KAZN: variants seen among roughly 807,000 people sequenced by gnomAD.
KAZN encodes the protein kazrin.
In KAZN, 40 loss-of-function variants were observed where a neutral mutation model predicts 87.4. The observed-to-expected ratio is 0.46, with a 90% CI of 0.36 to 0.60. KAZN has a LOEUF of 0.60. Ranked by LOEUF, KAZN falls within the 20% of genes least tolerant of loss-of-function variation. The pLI is 0.00. For missense variants in KAZN, 898 were observed against 1,073.9 expected, an observed-to-expected ratio of 0.84 and a Z score of 2.29; for synonymous variants, 466 against 458.3, an observed-to-expected ratio of 1.02 and a Z score of -0.22.
chr1:15,059,951 A>G (rs1638637103), intron 5 of KAZN, among the ~76,000 whole-genome samples: 1 of 152,150 alleles, frequency 6.6e-6, no homozygotes, highest in African/African-American at 2.4e-5. Context: ...AGGAGGGTTC[A>G]TTGGATCCAG....
intron 1 of KAZN, among the ~76,000 whole-genome samples, chr1:13,927,953 G>C (rs1640350208): frequency 6.6e-6 from 1 of 152,194 alleles, no homozygotes; most frequent in Non-Finnish European, 1.5e-5. Flanking sequence ...TCTATGGTGG[G>C]AACAAGCCTG....
intron 2 of KAZN, among the ~76,000 whole-genome samples, chr1:14,545,812 T>C (rs12563496): frequency 0.51 from 76,787 of 151,904 alleles, 19,888 homozygotes; most frequent in South Asian, 0.61. Flanking sequence ...GAGAAAGTGG[T>C]GAGTCACACT....
At chr1:14,326,787 C>A (rs1553158345) in intron 2 of KAZN, among the ~76,000 whole-genome samples, 1 of 152,120 alleles carries the variant, frequency 6.6e-6, no homozygotes. Flanking sequence ...CTGCACAGCT[C>A]CCTTCTTCGC....
At chr1:14,361,689 C>A (rs1048514295) in intron 2 of KAZN, among the ~76,000 whole-genome samples, 4 of 152,264 alleles carry the variant, frequency 2.6e-5, no homozygotes, top group Admixed American at 6.5e-5. Flanking sequence ...GCTCCCTTGG[C>A]TTCTGTTCAT....
At chr1:14,502,564 T>A (rs1670317732) in intron 2 of KAZN, among the ~76,000 whole-genome samples, 1 of 152,114 alleles carries the variant, frequency 6.6e-6, no homozygotes, top group Admixed American at 6.5e-5. Context: ...TAAACCCTAC[T>A]CCTGGGGGCC....
intron 2 of KAZN, among the ~76,000 whole-genome samples, chr1:14,498,261 T>C (rs980109165): frequency 1.3e-5 from 2 of 152,194 alleles, no homozygotes; most frequent in African/African-American, 2.4e-5. Flanking sequence ...CACCTCCTAT[T>C]GGTAGCACTG....
At chr1:14,130,121 C>A (rs909132119) in intron 1 of KAZN, among the ~76,000 whole-genome samples, 1 of 152,212 alleles carries the variant, frequency 6.6e-6, no homozygotes, top group African/African-American at 2.4e-5. Context: ...AGTGAATTAG[C>A]GCTTTCTGAT....
At chr1:14,079,900 T>A (rs1280083818) in intron 1 of KAZN, among the ~76,000 whole-genome samples, 1 of 140,246 alleles carries the variant, frequency 7.1e-6, no homozygotes, top group African/African-American at 2.7e-5. Context: ...AGGCCCCACC[T>A]CCGACACTGG....
chr1:14,686,598 C>T (rs1179941781), intron 1 of KAZN, among the ~76,000 whole-genome samples: 1 of 152,234 alleles, frequency 6.6e-6, no homozygotes, highest in East Asian at 1.9e-4. Context: ...GCAAAATCAG[C>T]CTGACCCTTC....
At chr1:14,809,647 T>G (rs182289199) in intron 1 of KAZN, among the ~76,000 whole-genome samples, 2 of 152,346 alleles carry the variant, frequency 1.3e-5, no homozygotes, top group Non-Finnish European at 2.9e-5. Context: ...TTTGATTTTT[T>G]AAAAATTTCT....
intron 1 of KAZN, among the ~76,000 whole-genome samples, chr1:14,797,679 C>T (rs535160602): frequency 6.6e-6 from 1 of 152,274 alleles, no homozygotes; most frequent in Admixed American, 6.5e-5. Flanking sequence ...GACAGAGTGT[C>T]GGCCCTGGAG....
chr1:14,062,390 G>C (rs1311191055), intron 1 of KAZN, among the ~76,000 whole-genome samples: 1 of 152,094 alleles, frequency 6.6e-6, no homozygotes, highest in East Asian at 1.9e-4. Flanking sequence ...TGCAAAAGAG[G>C]GTTTTCAGTT....
In KAZN at chr1:14,638,268, C is replaced by T. The variant is rs576546357; in HGVS notation, c.226+39045C>T. 2.0e-3 allele frequency among the ~76,000 whole-genome samples: 311 copies of T among 152,138 alleles called. 3 individuals are homozygous for T. The highest frequency in any genetic ancestry group is 3.4e-3 in the Middle Eastern group (1 of 294). Reference sequence around the variant, plus strand: ...TCAACCCACAACGTGTGTGCACGTGCGCAAAAAATAACTGGGGTGGTGGGG... The same window carrying T: ...TCAACCCACAACGTGTGTGCACGTGTGCAAAAAATAACTGGGGTGGTGGGG... On this transcript the variant is annotated intron_variant, in intron 1 of 14. Coordinates refer to ENST00000376030, the MANE Select transcript of KAZN (RefSeq NM_201628.3).
At chr1:13,941,340 T>C (rs1161896413) in intron 1 of KAZN, among the ~76,000 whole-genome samples, 1 of 152,228 alleles carries the variant, frequency 6.6e-6, no homozygotes, top group Non-Finnish European at 1.5e-5. Flanking sequence ...ATCAAACATT[T>C]ATTGAGAATC....
chr1:14,055,759 A>ATC (rs1272468207), intron 1 of KAZN, among the ~76,000 whole-genome samples: 1 of 151,888 alleles, frequency 6.6e-6, no homozygotes, highest in East Asian at 1.9e-4. Context: ...ACCCTCTGGA[A>ATC]TCTCTACTCT....
At position 14,599,217 on chromosome 1, in the gene KAZN, G is replaced by T. The variant is rs1031734291; in HGVS notation, c.220G>T (p.Ala74Ser). 2.7e-5 allele frequency: 37 copies of T among 1,393,734 alleles called. 2 individuals carry two copies. Among genetic ancestry groups the T allele is most frequent in the Admixed American group, 2.0e-4 (6 of 30,002 alleles). 86.3% of individuals were successfully genotyped at this position (1,393,734 alleles called of 1,614,324 possible). ...ATNMENPQLG[A>S]QVLLREEVSR... is the part of the protein sequence containing the mutation. ...GAACATGGAGAACCCCCAGCTTGGAGCGCAAGGTAGGATCGCCCCGGCGCC... is the reference window on the plus strand; with the variant it reads ...GAACATGGAGAACCCCCAGCTTGGATCGCAAGGTAGGATCGCCCCGGCGCC... The change falls in exon 1 of 15, where the codon GCG (alanine) becomes TCG (serine). Residue 74 changes from alanine (A) to serine (S), a missense_variant. Ala to Ser is a moderately conservative substitution (Grantham distance 99). This residue lies in a region of KAZN where 250 missense variants were observed against 263.0 expected (regional missense o/e 0.95). Transcript: ENST00000376030. This position sits in a 1 kb window ranked among gnomAD's most constrained non-coding sequence, Gnocchi z 4.4.
At chr1:14,324,782 T>A (rs531564023) in intron 2 of KAZN, among the ~76,000 whole-genome samples, 1 of 152,240 alleles carries the variant, frequency 6.6e-6, no homozygotes, top group African/African-American at 2.4e-5. Flanking sequence ...TATTATGTAA[T>A]AATTTGTCCA....
Position 14,739,937 on chromosome 1 carries a change from G to A in KAZN, c.226+140714G>A, listed in dbSNP as rs573972627. The stretch of plus-strand genomic sequence containing the variant: ...CGTGATTCAGAGCAATTCTTCAGTG[G>A]GAAATGTCACCCTGAATCCTTTTGG... On this transcript the variant is annotated intron_variant, in intron 1 of 14. Transcript: ENST00000376030. Among the ~76,000 whole-genome samples, 7 of 152,244 alleles carry A rather than the reference G, an allele frequency of 4.6e-5. No homozygotes were observed. The South Asian group carries it at 1.5e-3, about 32-fold the overall frequency.
intron 1 of KAZN, among the ~76,000 whole-genome samples, chr1:13,917,054 T>C (rs928491603): frequency 2.6e-5 from 4 of 152,204 alleles, no homozygotes; most frequent in African/African-American, 9.7e-5. Context: ...ATAGCCAGGC[T>C]TCCATTCCCC....
Sources: gnomAD v4.1 joint callset for allele counts (sites outside exome capture counted in the v4.1 genomes callset) on GRCh38, gnomAD v4.1.1 for gene constraint, gnomAD v4.1.1 regional missense constraint, Gnocchi (gnomAD v3.1) non-coding constraint, MANE v1.5 for transcripts, NCBI Gene and HGNC (gene_info 2026-07-23, HGNC 2026-07-21) for gene names.